GRIK4: variants seen among roughly 807,000 people sequenced by gnomAD.
GRIK4 encodes the protein glutamate receptor ionotropic, kainate 4.
A neutral mutation model predicts 104.9 loss-of-function variants in GRIK4; 40 were observed. The observed-to-expected ratio is 0.38, with a 90% CI of 0.30 to 0.50. The LOEUF (loss-of-function observed/expected upper bound fraction) is 0.50. GRIK4 is among the 20% of genes least tolerant of loss of function. The probability of loss-of-function intolerance (pLI) is 0.93; values close to 1 mark genes in which losing one functional copy is unlikely to be tolerated. For missense variants in GRIK4, 1,047 were observed against 1,308.1 expected (o/e 0.80, Z 3.08); for synonymous variants, 485 against 524.9 (o/e 0.92, Z 1.04).
At chr11:120,982,059 T>C in intron 19 of GRIK4, 47 bp from the exon 20 acceptor site, 1 of 1,199,232 alleles carries the variant, frequency 8.3e-7, no homozygotes, top group Non-Finnish European at 1.2e-6. Flanking sequence ...TGATTGTGTC[T>C]TCCTGATCTT....
rs188807857 is a variant in GRIK4 at position 120,972,245 on chromosome 11, A to G, written c.2395+4922A>G. On this transcript the variant is annotated intron_variant, in intron 19 of 20. Transcript: ENST00000527524. ...TTGGGAGCATTGGCAATAGCCGTCA[A>G]AGGTTCTGGGGTGAGATGTGGCACA... Among the ~76,000 whole-genome samples, 422 of 152,288 alleles carry G rather than the reference A, an allele frequency of 2.8e-3. 2 individuals carry two copies. The highest frequency in any genetic ancestry group is 9.8e-3 in the African/African-American group (407 of 41,552).
At chr11:120,955,867 G>A (rs1030669758) in intron 15 of GRIK4, among the ~76,000 whole-genome samples, 9 of 152,018 alleles carry the variant, frequency 5.9e-5, no homozygotes, top group Middle Eastern at 3.2e-3. Context: ...GGAGAGCCTG[G>A]CTTTAGACAC....
chr11:120,909,257 G>T (rs1033249934), intron 13 of GRIK4, among the ~76,000 whole-genome samples: 3 of 152,226 alleles, frequency 2.0e-5, no homozygotes, highest in African/African-American at 7.2e-5. Flanking sequence ...ATCCTCATGG[G>T]CATGCCCAAG....
At chr11:120,944,011 A>G (rs375149007) in intron 14 of GRIK4, among the ~76,000 whole-genome samples, 18 of 152,188 alleles carry the variant, frequency 1.2e-4, no homozygotes, top group African/African-American at 3.9e-4. Flanking sequence ...GTTTCTGTTC[A>G]GGCATCCTTA....
intron 1 of GRIK4, among the ~76,000 whole-genome samples, chr11:120,650,010 C>T (rs1441585382): frequency 5.3e-5 from 8 of 152,164 alleles, no homozygotes; most frequent in Non-Finnish European, 1.2e-4. Context: ...GCCTGGTGGC[C>T]TCAGATAAAT....
intron 11 of GRIK4, among the ~76,000 whole-genome samples, chr11:120,879,518 C>T (rs1016457228): frequency 2.6e-5 from 4 of 152,198 alleles, no homozygotes; most frequent in Admixed American, 6.5e-5. Context: ...GGATTATTAC[C>T]ATTTTAAAAA....
At chr11:120,824,929 G>A (rs919679666) in intron 6 of GRIK4, among the ~76,000 whole-genome samples, 3 of 151,332 alleles carry the variant, frequency 2.0e-5, no homozygotes, top group African/African-American at 7.3e-5. Flanking sequence ...TTGTTTGTTT[G>A]TTTGTTTGTT....
intron 5 of GRIK4, among the ~76,000 whole-genome samples, chr11:120,816,281 A>G (rs1220808053): frequency 6.6e-6 from 1 of 151,898 alleles, no homozygotes; most frequent in Non-Finnish European, 1.5e-5. Context: ...CTTCCCCTTC[A>G]GATATATCCT....
intron 1 of GRIK4, among the ~76,000 whole-genome samples, chr11:120,562,887 G>A (rs184863105): frequency 6.6e-6 from 1 of 152,332 alleles, no homozygotes. Flanking sequence ...GCCAGGTCAG[G>A]GGATCAGAAT....
chr11:120,614,177 C>A (rs1949075127), intron 1 of GRIK4, among the ~76,000 whole-genome samples: 1 of 152,204 alleles, frequency 6.6e-6, no homozygotes, highest in African/African-American at 2.4e-5. Flanking sequence ...CAGAAACAGA[C>A]CCCAAGTGAA....
intron 1 of GRIK4, among the ~76,000 whole-genome samples, chr11:120,592,563 T>C (rs1302198052): frequency 6.6e-6 from 1 of 152,134 alleles, no homozygotes; most frequent in Non-Finnish European, 1.5e-5. Flanking sequence ...TCGAATGATG[T>C]TTCTCTTGTG....
At chr11:120,625,627 G>T (rs1949249116) in intron 1 of GRIK4, among the ~76,000 whole-genome samples, 1 of 151,754 alleles carries the variant, frequency 6.6e-6, no homozygotes. Flanking sequence ...TTCAGTGGAG[G>T]AAACATTTTG....
At chr11:120,978,173 T>C (rs759286869) in intron 19 of GRIK4, among the ~76,000 whole-genome samples, 3 of 152,208 alleles carry the variant, frequency 2.0e-5, no homozygotes, top group Non-Finnish European at 4.4e-5. Flanking sequence ...CGTGAGGTTA[T>C]AGAGTTGAAC....
intron 3 of GRIK4, among the ~76,000 whole-genome samples, chr11:120,713,143 CA>C (rs1157432213): frequency 1.3e-5 from 2 of 152,200 alleles, no homozygotes; most frequent in Admixed American, 6.5e-5. Context: ...AATGAAAAAA[CA>C]AAGCTCATGT....
At chr11:120,948,260 A>C (rs1943912132) in intron 14 of GRIK4, among the ~76,000 whole-genome samples, 1 of 152,196 alleles carries the variant, frequency 6.6e-6, no homozygotes, top group Non-Finnish European at 1.5e-5. Context: ...ACCTTTCTAT[A>C]AATTGCCATT....
intron 6 of GRIK4, 110 bp downstream of exon 6, chr11:120,820,030 G>T: frequency 1.0e-6 from 1 of 984,622 alleles, no homozygotes; most frequent in Non-Finnish European, 1.6e-6. Flanking sequence ...GCTTCCTTCA[G>T]ATCCACAGGG....
intron 9 of GRIK4, among the ~76,000 whole-genome samples, chr11:120,864,156 C>T (rs966712931): frequency 5.3e-5 from 8 of 152,160 alleles, no homozygotes; most frequent in Non-Finnish European, 8.8e-5. Context: ...AAGCCCTGTT[C>T]TCCCAGCTGC....
chr11:120,594,203 C>T (rs529449793), intron 1 of GRIK4, among the ~76,000 whole-genome samples: 12 of 152,322 alleles, frequency 7.9e-5, no homozygotes, highest in South Asian at 6.2e-4. Flanking sequence ...TCCTGCTGGG[C>T]GCAGTGGCTC....
intron 11 of GRIK4, among the ~76,000 whole-genome samples, chr11:120,894,013 T>C (rs2134462493): frequency 6.6e-6 from 1 of 152,326 alleles, no homozygotes; most frequent in East Asian, 1.9e-4. Context: ...CAAATGTCCA[T>C]CTCAGAGAAG....
Sources: gnomAD v4.1 joint callset for allele counts (sites outside exome capture counted in the v4.1 genomes callset) on GRCh38, gnomAD v4.1.1 for gene constraint, MANE v1.5 for transcripts, NCBI Gene and HGNC (gene_info 2026-07-23, HGNC 2026-07-21) for gene names.